CACNA2D3: variants seen among roughly 807,000 people sequenced by gnomAD.
The protein encoded by CACNA2D3 is voltage-dependent calcium channel subunit alpha-2/delta-3.
In CACNA2D3, 60 loss-of-function variants were observed where a neutral mutation model predicts 160.6. That is an observed-to-expected ratio of 0.37 (90% CI 0.30 to 0.46). CACNA2D3 has a LOEUF of 0.46. Among genes scored for constraint, CACNA2D3 ranks in the 20% least tolerant of loss-of-function variants. The probability of loss-of-function intolerance (pLI) is 1.00; values close to 1 mark genes in which losing one functional copy is unlikely to be tolerated. For synonymous variants in CACNA2D3, 558 were observed against 492.9 expected (o/e 1.13, Z -1.75); for missense variants, 1,205 against 1,365.0 (o/e 0.88, Z 1.85).
Position 54,764,230 on chromosome 3 carries a change from A to G in CACNA2D3, c.1259A>G (p.Gln420Arg). The change falls in exon 13 of 38, where the codon CAG becomes CGG. Residue 420 changes from glutamine (Q) to arginine (R), a missense_variant. By Grantham distance (43) the Gln-to-Arg change is conservative. Transcript: ENST00000474759. Reference sequence around the variant, plus strand: ...TGGGTTTTGACAGGATTTTTTACCCAGATCTCCACCTTGGCTGATGTGCAG... The same window carrying G: ...TGGGTTTTGACAGGATTTTTTACCCGGATCTCCACCTTGGCTGATGTGCAG... ...MACANKGFFT[Q>R]ISTLADVQEN... 1 of 1,613,646 alleles carries G rather than the reference A, an allele frequency of 6.2e-7. No individual in the cohort carries two copies.
chr3:54,316,929 T>C (rs1205619752), intron 2 of CACNA2D3, among the ~76,000 whole-genome samples: 1 of 152,204 alleles, frequency 6.6e-6, no homozygotes, highest in African/African-American at 2.4e-5. Context: ...AATTGTGAAA[T>C]CCATTTTATT....
chr3:54,200,785 A>G (rs1701163209), intron 2 of CACNA2D3, among the ~76,000 whole-genome samples: 1 of 152,172 alleles, frequency 6.6e-6, no homozygotes, highest in African/African-American at 2.4e-5. Context: ...AATAGCTTTG[A>G]GATTATATTG....
chr3:54,834,921 TTTCTC>T (rs767068623), intron 14 of CACNA2D3, among the ~76,000 whole-genome samples: 8 of 152,176 alleles, frequency 5.3e-5, no homozygotes, highest in Admixed American at 1.3e-4. Context: ...GGCCTTGTCT[TTTCTC>T]TTAAGGCCTT....
chr3:54,627,377 A>G (rs1699144499), intron 9 of CACNA2D3, among the ~76,000 whole-genome samples: 1 of 152,042 alleles, frequency 6.6e-6, no homozygotes, highest in African/African-American at 2.4e-5. Flanking sequence ...TGGGTGGGAG[A>G]GGGCGTGGCA....
At chr3:54,264,696 A>T (rs1702468789) in intron 2 of CACNA2D3, among the ~76,000 whole-genome samples, 1 of 152,212 alleles carries the variant, frequency 6.6e-6, no homozygotes, top group South Asian at 2.1e-4. Context: ...TGTGAAAGGT[A>T]TGTGGTTCTT....
At chr3:54,598,808 C>G (rs546408488) in intron 9 of CACNA2D3, among the ~76,000 whole-genome samples, 19 of 152,258 alleles carry the variant, frequency 1.2e-4, no homozygotes, top group Admixed American at 4.6e-4. Context: ...CGCTCGTGTC[C>G]TTGGCCATTG....
intron 4 of CACNA2D3, among the ~76,000 whole-genome samples, chr3:54,473,255 C>T (rs140696754): frequency 1.8e-3 from 281 of 152,296 alleles, no homozygotes; most frequent in Middle Eastern, 0.01. Flanking sequence ...TGATCTTTGA[C>T]AAACCTGACA....
At chr3:54,642,275 C>T (rs1699538633) in intron 11 of CACNA2D3, 34 bp downstream of exon 11, 1 of 1,296,746 alleles carries the variant, frequency 7.7e-7, no homozygotes. Context: ...GTGCGGTGGA[C>T]TCCTTGAGAA....
intron 5 of CACNA2D3, among the ~76,000 whole-genome samples, chr3:54,546,214 A>T (rs1702062226): frequency 6.6e-6 from 1 of 152,226 alleles, no homozygotes. Context: ...TGCAGAAAAG[A>T]AATAAAGACA....
chr3:54,570,044 G>A lies in CACNA2D3; in HGVS notation c.828G>A (p.Lys276=), dbSNP rs570177370. The change falls in exon 8 of 38, where the codon AAG becomes AAA. Residue 276 remains lysine (K), a synonymous_variant. Coordinates refer to ENST00000474759, the MANE Select transcript of CACNA2D3 (RefSeq NM_018398.3). ...SMKGLRLTIA[K]QTVSSILDTL... ...AAGGACTCCGTCTGACTATCGCGAAGCAAACAGTCTCATCCATTTTGGATA... is the reference window on the plus strand; with the variant it reads ...AAGGACTCCGTCTGACTATCGCGAAACAAACAGTCTCATCCATTTTGGATA... 1.3e-5 allele frequency: 21 copies of A among 1,614,000 alleles called. No individual in the cohort carries two copies. The African/African-American group carries it at 2.7e-4, about 20-fold the overall frequency.
At chr3:55,066,635 G>A (rs1704644567) in intron 35 of CACNA2D3, among the ~76,000 whole-genome samples, 1 of 152,100 alleles carries the variant, frequency 6.6e-6, no homozygotes, top group Non-Finnish European at 1.5e-5. Context: ...TCTTGAAATC[G>A]CATCATCTTT....
chr3:54,926,252 A>G (rs1701014263), intron 27 of CACNA2D3, among the ~76,000 whole-genome samples: 1 of 152,184 alleles, frequency 6.6e-6, no homozygotes, highest in South Asian at 2.1e-4. Flanking sequence ...ATAAATATGT[A>G]TATTAATTAA....
At chr3:54,358,692 G>C (rs1698691499) in intron 3 of CACNA2D3, among the ~76,000 whole-genome samples, 1 of 152,184 alleles carries the variant, frequency 6.6e-6, no homozygotes, top group Non-Finnish European at 1.5e-5. Context: ...TCCAGCCCTG[G>C]AGCTTTGTAA....
intron 4 of CACNA2D3, among the ~76,000 whole-genome samples, chr3:54,437,444 T>C (rs545070315): frequency 6.6e-6 from 1 of 152,336 alleles, no homozygotes; most frequent in East Asian, 1.9e-4. Context: ...TTCCCGTGTG[T>C]TGTTTCCTTG....
chr3:54,862,995 G>A (rs1699325298), intron 17 of CACNA2D3, among the ~76,000 whole-genome samples: 1 of 152,168 alleles, frequency 6.6e-6, no homozygotes, highest in Admixed American at 6.5e-5. Flanking sequence ...AAGGAATAAT[G>A]TCAAAGAAAG....
At chr3:54,932,567 T>C (rs532540773) in intron 27 of CACNA2D3, among the ~76,000 whole-genome samples, 20 of 152,388 alleles carry the variant, frequency 1.3e-4, no homozygotes, top group South Asian at 1.2e-3. Context: ...TTCTAGTGAC[T>C]GGCTGAGTTA....
At chr3:54,722,240 T>G (rs1190877862) in intron 11 of CACNA2D3, among the ~76,000 whole-genome samples, 2 of 152,238 alleles carry the variant, frequency 1.3e-5, no homozygotes, top group Non-Finnish European at 2.9e-5. Context: ...GAAGTTCTCA[T>G]GCTGTGTTTT....
intron 27 of CACNA2D3, among the ~76,000 whole-genome samples, chr3:54,937,993 C>T (rs1701372501): frequency 6.6e-6 from 1 of 152,220 alleles, no homozygotes; most frequent in African/African-American, 2.4e-5. Context: ...CTTGCTGTCC[C>T]TCAGTATGCT....
chr3:54,989,074 A>G (rs1305256678), intron 31 of CACNA2D3, among the ~76,000 whole-genome samples: 1 of 152,222 alleles, frequency 6.6e-6, no homozygotes, highest in African/African-American at 2.4e-5. Flanking sequence ...CTGGCCTGCC[A>G]TCCACGGCAC....
Sources: gnomAD v4.1 joint callset for allele counts (sites outside exome capture counted in the v4.1 genomes callset) on GRCh38, gnomAD v4.1.1 for gene constraint, MANE v1.5 for transcripts, NCBI Gene and HGNC (gene_info 2026-07-23, HGNC 2026-07-21) for gene names.